The following TK2 variants were observed in gnomAD, a reference collection of about 807,000 sequenced individuals.
TK2 encodes the protein thymidine kinase 2, also known as thymidine kinase 2, mitochondrial.
TK2 carries 35 observed loss-of-function variants against 41.9 expected under a neutral mutation model. The ratio of observed to expected loss-of-function variants is 0.84; its 90% CI spans 0.64 to 1.11. The LOEUF (loss-of-function observed/expected upper bound fraction) is 1.11. TK2 is among the 50% of genes least tolerant of loss of function. The pLI is 0.00. For synonymous variants in TK2, 128 were observed against 129.1 expected (o/e 0.99, Z 0.06); for missense variants, 320 against 351.1 (o/e 0.91, Z 0.71).
At chr16:66,532,947 G>C (rs182268848) in intron 4 of TK2, among the ~76,000 whole-genome samples, 1 of 151,926 alleles carries the variant, frequency 6.6e-6, no homozygotes, top group African/African-American at 2.4e-5. Context: ...AAAAAACAAA[G>C]TTGGAGGCAT....
At chr16:66,513,636 G>A in intron 9 of TK2, 95 bp downstream of exon 9, 3 of 1,116,218 alleles carry the variant, frequency 2.7e-6, no homozygotes, top group Non-Finnish European at 4.0e-6. Flanking sequence ...AACTCTAAAG[G>A]ACTGTGCCCT....
intron 1 of TK2, 45 bp downstream of exon 1, chr16:66,549,893 G>A: frequency 7.6e-7 from 1 of 1,318,506 alleles, no homozygotes; most frequent in Non-Finnish European, 9.6e-7. Flanking sequence ...GGGAGTAGGT[G>A]GGCGCATAGG....
intron 2 of TK2, among the ~76,000 whole-genome samples, chr16:66,547,725 C>T (rs1169520083): frequency 6.6e-6 from 1 of 152,112 alleles, no homozygotes; most frequent in African/African-American, 2.4e-5. Context: ...ACCGCAGACT[C>T]CCAAATGTCA....
intron 4 of TK2, among the ~76,000 whole-genome samples, chr16:66,532,002 T>C (rs1348674533): frequency 6.6e-6 from 1 of 151,942 alleles, no homozygotes; most frequent in East Asian, 1.9e-4. Flanking sequence ...AAAGTACCTA[T>C]TGGGTACTAT....
intron 2 of TK2, chr16:66,548,077 A>G (rs1471789986): frequency 1.6e-6 from 1 of 608,510 alleles, no homozygotes; most frequent in East Asian, 6.8e-5. Flanking sequence ...TTAAATGTAT[A>G]AACAAACAAA....
chr16:66,550,238 A>T, upstream of TK2: 11 of 1,606,298 alleles, frequency 6.8e-6, no homozygotes, highest in Non-Finnish European at 9.3e-6. Context: ...CGCCGCTGGC[A>T]GCCAGAAGCC....
intron 3 of TK2, among the ~76,000 whole-genome samples, chr16:66,539,619 A>G (rs2144449327): frequency 7.3e-6 from 1 of 137,536 alleles, no homozygotes; most frequent in South Asian, 2.5e-4. Context: ...AAAAAAAAAA[A>G]AAAAAGGAAG....
chr16:66,522,592 C>T (rs1964812619), intron 6 of TK2, among the ~76,000 whole-genome samples: 1 of 152,220 alleles, frequency 6.6e-6, no homozygotes, highest in African/African-American at 2.4e-5. Flanking sequence ...TTTGGCCAGA[C>T]GCAATGGCTA....
In TK2 at chr16:66,549,927, A is replaced by C; in HGVS notation, c.124+11T>G. The C allele has an allele frequency of 7.4e-7, 1 of 1,353,848 alleles. No individual in the cohort carries two copies. Among genetic ancestry groups the C allele is most frequent in the Non-Finnish European group, 9.4e-7 (1 of 1,062,190 alleles). The allele number at this position is 1,353,848 out of a possible 1,614,324, so 83.9% of individuals were successfully genotyped here. A position where few individuals can be genotyped will look rare whatever the true frequency, so the allele number is the denominator to read the frequency against. On this transcript the variant is annotated intron_variant, in intron 1 of 9. Coordinates refer to ENST00000544898, the MANE Select transcript of TK2 (RefSeq NM_004614.5). Reference sequence around the variant, plus strand: ...GGGGCTCCTGGGAGGCGGGACCAAGACGCGCGTTACCGGGAGGCCAGGCCC... The same window carrying C: ...GGGGCTCCTGGGAGGCGGGACCAAGCCGCGCGTTACCGGGAGGCCAGGCCC...
chr16:66,518,286 G>A, intron 6 of TK2: 1 of 252,342 alleles, frequency 4.0e-6, no homozygotes. Context: ...CAGCACTTTG[G>A]GAGGGTGAGG....
At chr16:66,531,269 G>T in intron 5 of TK2, 111 bp downstream of exon 5, 1 of 1,035,188 alleles carries the variant, frequency 9.7e-7, no homozygotes, top group Non-Finnish European at 1.5e-6. Flanking sequence ...GGCCTGCACA[G>T]CACTGAAGGC....
At chr16:66,538,169 G>A (rs902382266) in intron 3 of TK2, among the ~76,000 whole-genome samples, 1 of 151,940 alleles carries the variant, frequency 6.6e-6, no homozygotes. Context: ...TCTCTAAAAA[G>A]AAAAGAAAAG....
chr16:66,538,244 C>T (rs1370432902), intron 3 of TK2, among the ~76,000 whole-genome samples: 1 of 152,184 alleles, frequency 6.6e-6, no homozygotes, highest in East Asian at 1.9e-4. Context: ...TACTCTGTGT[C>T]TTTGCTTACG....
rs1333305629 is a variant in TK2, at chr16:66,514,702, T to G, written c.619-891A>C. 1.3e-5 allele frequency among the ~76,000 whole-genome samples: 2 copies of G among 152,168 alleles called. No homozygotes were observed. Among genetic ancestry groups the G allele is most frequent in the East Asian group, 3.9e-4 (2 of 5,186 alleles). Reference sequence around the variant, plus strand: ...ATAGCTCATTGAGAACGGGCCATGATGACGATGGCGGTTTTGTCTAATAGA... The same window carrying G: ...ATAGCTCATTGAGAACGGGCCATGAGGACGATGGCGGTTTTGTCTAATAGA... On this transcript the variant is annotated intron_variant, in intron 8 of 9. Transcript: ENST00000544898. This position sits in a 1 kb window ranked among gnomAD's most constrained non-coding sequence, Gnocchi z 4.2.
intron 4 of TK2, among the ~76,000 whole-genome samples, chr16:66,533,345 A>C (rs1353708233): frequency 6.6e-6 from 1 of 150,836 alleles, no homozygotes; most frequent in Non-Finnish European, 1.5e-5. Flanking sequence ...CAAAAAAAAA[A>C]AAAAAAAAAA....
chr16:66,550,222 G>C (rs749429254), upstream of TK2: 4 of 1,609,648 alleles, frequency 2.5e-6, no homozygotes, highest in East Asian at 8.9e-5. Context: ...CTCGAAGGGA[G>C]AGGTTCGCCG....
At chr16:66,522,995 G>A (rs1335976989) in intron 6 of TK2, among the ~76,000 whole-genome samples, 2 of 152,222 alleles carry the variant, frequency 1.3e-5, no homozygotes, top group South Asian at 2.1e-4. Flanking sequence ...CCCCAACCTC[G>A]CCAGGGTAGA....
chr16:66,542,853 GAGTGAGACTCAAGACTC>G (rs1431634648), intron 2 of TK2, among the ~76,000 whole-genome samples: 4 of 152,150 alleles, frequency 2.6e-5, no homozygotes, highest in Non-Finnish European at 5.9e-5. Flanking sequence ...CAATCTCTGG[GAGTGAGACTCAAGACTC>G]AGTAACTTTT....
chr16:66,538,906 T>C (rs1318057137), intron 3 of TK2, among the ~76,000 whole-genome samples: 3 of 152,150 alleles, frequency 2.0e-5, no homozygotes, highest in Non-Finnish European at 4.4e-5. Flanking sequence ...GATCTGGCTG[T>C]ATCATACACT....
Sources: gnomAD v4.1 joint callset for allele counts (sites outside exome capture counted in the v4.1 genomes callset) on GRCh38, gnomAD v4.1.1 for gene constraint, Gnocchi (gnomAD v3.1) non-coding constraint, MANE v1.5 for transcripts, NCBI Gene and HGNC (gene_info 2026-07-23, HGNC 2026-07-21) for gene names.